The following RYR2 variants were observed in gnomAD, a reference collection of about 807,000 sequenced individuals.
RYR2 encodes the protein ryanodine receptor 2.
RYR2 carries 227 observed loss-of-function variants against 601.1 expected under a neutral mutation model. That is an observed-to-expected ratio of 0.38 (90% CI 0.34 to 0.42). The LOEUF is 0.42. Ranked by LOEUF, RYR2 falls within the 10% of genes least tolerant of loss-of-function variation. The probability of loss-of-function intolerance (pLI) is 1.00; values close to 1 mark genes in which losing one functional copy is unlikely to be tolerated. For synonymous variants in RYR2, 2,223 were observed against 2,175.1 expected, an observed-to-expected ratio of 1.02 and a Z score of -0.61; for missense variants, 4,646 against 6,156.5, an observed-to-expected ratio of 0.75 and a Z score of 8.21.
intron 13 of RYR2, among the ~76,000 whole-genome samples, chr1:237,444,833 T>C (rs1345328438): frequency 6.6e-6 from 1 of 152,206 alleles, no homozygotes; most frequent in African/African-American, 2.4e-5. Context: ...AATATATGTA[T>C]ACATTTTTAT....
intron 73 of RYR2, among the ~76,000 whole-genome samples, chr1:237,719,444 A>G (rs1227616223): frequency 6.6e-6 from 1 of 152,174 alleles, no homozygotes; most frequent in African/African-American, 2.4e-5. Context: ...TAACACGGGC[A>G]TCTGCTTTTG....
intron 2 of RYR2, among the ~76,000 whole-genome samples, chr1:237,272,960 C>T (rs1689852509): frequency 6.6e-6 from 1 of 152,104 alleles, no homozygotes; most frequent in Admixed American, 6.6e-5. Flanking sequence ...AAGTGAAAAC[C>T]TTTGAAAATC....
intron 1 of RYR2, among the ~76,000 whole-genome samples, chr1:237,204,329 A>G (rs1681538250): frequency 6.6e-6 from 1 of 152,172 alleles, no homozygotes; most frequent in Non-Finnish European, 1.5e-5. Flanking sequence ...TTATATCAGT[A>G]GTTATCCCTC....
chr1:237,673,129 A>G (rs1685101067), intron 58 of RYR2, among the ~76,000 whole-genome samples: 1 of 152,220 alleles, frequency 6.6e-6, no homozygotes, highest in African/African-American at 2.4e-5. Flanking sequence ...AACAATATTT[A>G]TTCTCAATTA....
At chr1:237,754,640 A>C (rs548299168) in intron 80 of RYR2, among the ~76,000 whole-genome samples, 1 of 152,220 alleles carries the variant, frequency 6.6e-6, no homozygotes, top group East Asian at 1.9e-4. Flanking sequence ...TCACAAAAGG[A>C]GCTGGTTAAG....
intron 2 of RYR2, among the ~76,000 whole-genome samples, chr1:237,283,521 C>A (rs899589579): frequency 2.6e-5 from 4 of 152,166 alleles, no homozygotes; most frequent in African/African-American, 9.7e-5. Context: ...GGAAGTAGAG[C>A]CTCAATAAAT....
intron 29 of RYR2, among the ~76,000 whole-genome samples, chr1:237,572,450 CAT>C (rs1249040272): frequency 3.3e-5 from 5 of 152,214 alleles, no homozygotes; most frequent in Admixed American, 3.3e-4. Context: ...CACACAGTCA[CAT>C]AGACCAATCA....
intron 16 of RYR2, among the ~76,000 whole-genome samples, chr1:237,461,428 G>T (rs573168733): frequency 3.9e-5 from 6 of 151,982 alleles, no homozygotes; most frequent in Non-Finnish European, 7.4e-5. Context: ...AAGAAGAAGG[G>T]CCTGGTCTGT....
intron 25 of RYR2, among the ~76,000 whole-genome samples, chr1:237,538,394 C>CAAAAAAAAAAAAAAAAAAAAA (rs10551995): frequency 3.0e-5 from 1 of 32,898 alleles, no homozygotes; most frequent in African/African-American, 1.3e-4. Flanking sequence ...GACTCTGTCT[C>CAAAAAAAAAAAAAAAAAAAAA]AAAAAAAAAA....
In RYR2 at chr1:237,694,725, T is replaced by C. The variant is rs1169740689; in HGVS notation, c.9068-4240T>C. ...TCCTGGCTTTGAAAAATGAATAGAATATGTAGTTATTCAAAATGTGTCCTC... is the reference window on the plus strand; with the variant it reads ...TCCTGGCTTTGAAAAATGAATAGAACATGTAGTTATTCAAAATGTGTCCTC... On this transcript the variant is annotated intron_variant, in intron 63 of 104. Transcript: ENST00000366574. 4.6e-5 allele frequency among the ~76,000 whole-genome samples: 7 copies of C among 152,308 alleles called. No homozygotes were observed. The East Asian group carries it at 1.4e-3, about 29-fold the overall frequency.
chr1:237,732,505 G>A (rs1879673), intron 78 of RYR2, among the ~76,000 whole-genome samples: 142,154 of 152,206 alleles, frequency 0.93, 66,887 homozygotes, highest in Non-Finnish European at 1. Flanking sequence ...ACCGATGGTG[G>A]CCCCAAATTT....
At chr1:237,617,769 C>G (rs1468028292) in intron 38 of RYR2, among the ~76,000 whole-genome samples, 2 of 152,184 alleles carry the variant, frequency 1.3e-5, no homozygotes, top group Admixed American at 1.3e-4. Flanking sequence ...ATTTCAACCA[C>G]AAATGGGTCT....
chr1:237,151,818 T>A (rs41420344), intron 1 of RYR2, among the ~76,000 whole-genome samples: 1 of 152,134 alleles, frequency 6.6e-6, no homozygotes, highest in African/African-American at 2.4e-5. Flanking sequence ...GCATGGACAT[T>A]GATCTTGCAG....
rs397975831 is a variant in RYR2 at position 237,346,367 on chromosome 1, C to CAAAAAAAAAAAAAAAAAAAAAAAAA, written c.274-9581_274-9580insAAAAAAAAAAAAAAAAAAAAAAAAA. Among the ~76,000 whole-genome samples, 215 of 62,106 alleles carry CAAAAAAAAAAAAAAAAAAAAAAAAA rather than the reference C, an allele frequency of 3.5e-3. 8 individuals are homozygous for CAAAAAAAAAAAAAAAAAAAAAAAAA. The highest frequency in any genetic ancestry group is 7.8e-3 in the East Asian group (14 of 1,806). The allele number at this position is 62,106 out of a possible 152,430, so 40.7% of individuals were successfully genotyped here. A position where few individuals can be genotyped will look rare whatever the true frequency, so the allele number is the denominator to read the frequency against. ...CTGGGCAAAGTGAGAGGGTCTACCTCAAAAAAAAAAAAAAAAAGTGCATAT... is the reference window on the plus strand; with the variant it reads ...CTGGGCAAAGTGAGAGGGTCTACCTCAAAAAAAAAAAAAAAAAAAAAAAAAAAAAAAAAAAAAAAAAAGTGCATAT... On this transcript the variant is annotated intron_variant, in intron 3 of 104. Transcript: ENST00000366574.
intron 103 of RYR2, among the ~76,000 whole-genome samples, 169 bp from the exon 104 acceptor site, chr1:237,831,345 T>A (rs1464779432): frequency 6.6e-6 from 1 of 152,210 alleles, no homozygotes; most frequent in Non-Finnish European, 1.5e-5. Context: ...AAAAGTCAGG[T>A]CCACAGCCTT....
chr1:237,254,774 TCA>T (rs1687788070), intron 1 of RYR2, among the ~76,000 whole-genome samples: 1 of 152,204 alleles, frequency 6.6e-6, no homozygotes, highest in African/African-American at 2.4e-5. Context: ...ACATAATATC[TCA>T]CAGTTTGTAG....
chr1:237,060,377 C>T (rs1205475376), intron 1 of RYR2, among the ~76,000 whole-genome samples: 3 of 152,088 alleles, frequency 2.0e-5, no homozygotes, highest in African/African-American at 4.8e-5. Context: ...CCTGCTAAAT[C>T]TTTCTTAAGT....
At chr1:237,120,712 T>A (rs1670674925) in intron 1 of RYR2, 1 of 152,260 alleles carries the variant, frequency 6.6e-6, no homozygotes, top group Non-Finnish European at 1.5e-5. Flanking sequence ...TGTATCGCTT[T>A]GTATTATGGT....
At chr1:237,346,244 G>A (rs1015310266) in intron 3 of RYR2, among the ~76,000 whole-genome samples, 11 of 151,854 alleles carry the variant, frequency 7.2e-5, no homozygotes, top group Middle Eastern at 3.2e-3. Context: ...CAACGTGCCT[G>A]TAGTCCCAGC....
Sources: allele counts gnomAD v4.1 joint callset (sites outside exome capture counted in the v4.1 genomes callset), GRCh38; gene constraint gnomAD v4.1.1; transcripts MANE v1.5; gene names NCBI Gene and HGNC (gene_info 2026-07-23, HGNC 2026-07-21).